PCDHGA1: variants seen among roughly 807,000 people sequenced by gnomAD.
The protein encoded by PCDHGA1 is protocadherin gamma-A1.
PCDHGA1 carries 32 observed loss-of-function variants against 58.0 expected under a neutral mutation model. That is an observed-to-expected ratio of 0.55 (90% CI 0.42 to 0.74). The LOEUF is 0.74. Ranked by LOEUF, PCDHGA1 falls within the 30% of genes least tolerant of loss-of-function variation. The pLI is 0.00. For synonymous variants in PCDHGA1, 498 were observed against 501.1 expected (o/e 0.99, Z 0.08); for missense variants, 1,205 against 1,182.3 (o/e 1.02, Z -0.28).
At chr5:141,474,361 T>C (rs2099347915) in intron 1 of PCDHGA1, among the ~76,000 whole-genome samples, 2 of 152,210 alleles carry the variant, frequency 1.3e-5, no homozygotes, top group South Asian at 2.1e-4. Context: ...CATGTCTCAG[T>C]AGGTCTAGAG....
chr5:141,408,676 G>A (rs1315766272), intron 1 of PCDHGA1: 2 of 1,613,652 alleles, frequency 1.2e-6, no homozygotes, highest in Non-Finnish European at 1.7e-6. Flanking sequence ...ACCCTGCCAC[G>A]GATCCTGATA....
rs1490866629 is a variant in PCDHGA1 at position 141,345,204 on chromosome 5, C to T, written c.2421+12099C>T. On this transcript the variant is annotated intron_variant, in intron 1 of 3. Coordinates refer to ENST00000517417, the MANE Select transcript of PCDHGA1 (RefSeq NM_018912.3). ...TGAAGTTTTTGTCCTGGGAAATCTG[C>T]CATTTAAGTTAGAAAAATCAATAGA... 2.5e-6 allele frequency: 4 copies of T among 1,613,786 alleles called. No homozygotes were observed. The African/African-American group carries it at 5.3e-5, about 22-fold the overall frequency.
intron 1 of PCDHGA1, chr5:141,364,142 A>C (rs1588593091): frequency 3.9e-6 from 2 of 513,968 alleles, no homozygotes; most frequent in South Asian, 1.1e-4. Context: ...CCAAAGTGGG[A>C]AAGAAGCTGC....
At chr5:141,364,629 C>T in intron 1 of PCDHGA1, 2 of 1,614,142 alleles carry the variant, frequency 1.2e-6, no homozygotes, top group African/African-American at 1.3e-5. Context: ...GCTCAGAGCC[C>T]ACTGTGTGTG....
chr5:141,404,171 G>A (rs532466154), intron 1 of PCDHGA1: 1 of 1,612,734 alleles, frequency 6.2e-7, no homozygotes, highest in South Asian at 1.1e-5. Flanking sequence ...ATTGTTGACG[G>A]CCCAAATTCT....
chr5:141,372,057 C>T (rs1228775419), intron 1 of PCDHGA1: 3 of 1,613,552 alleles, frequency 1.9e-6, no homozygotes, highest in African/African-American at 2.7e-5. Context: ...GGTGGACGAC[C>T]GCAACGACAA....
intron 1 of PCDHGA1, among the ~76,000 whole-genome samples, chr5:141,464,436 TTTG>T (rs1043492514): frequency 1.1e-4 from 17 of 151,396 alleles, no homozygotes; most frequent in Non-Finnish European, 1.9e-4. Flanking sequence ...GATATATATG[TTTG>T]TTGTTGTTGT....
At chr5:141,373,722 C>T (rs1260568332) in intron 1 of PCDHGA1, among the ~76,000 whole-genome samples, 1 of 152,202 alleles carries the variant, frequency 6.6e-6, no homozygotes, top group Non-Finnish European at 1.5e-5. Flanking sequence ...CTCTTACACT[C>T]TTCTAAATGC....
intron 1 of PCDHGA1, chr5:141,392,676 C>G: frequency 1.1e-6 from 1 of 917,280 alleles, no homozygotes. Context: ...AACTGCTGGA[C>G]TGCAGCGAAA....
At position 141,477,758 on chromosome 5, in the gene PCDHGA1, G is replaced by A; in HGVS notation, c.2422-17049G>A. 2 of 1,613,924 alleles carry A rather than the reference G, an allele frequency of 1.2e-6. No homozygotes were observed. The highest frequency in any genetic ancestry group is 1.7e-5 in the Admixed American group (1 of 60,022). On this transcript the variant is annotated intron_variant, in intron 1 of 3. Transcript: ENST00000517417. The surrounding 1 kb of genome is among the most constrained non-coding windows in gnomAD (Gnocchi z 4.9). ...CAGCGATGGGGGCACCCCGGTCCTA[G>A]CCACCAACATCAGCGTGAACATATT...
chr5:141,375,346 T>C, intron 1 of PCDHGA1: 1 of 1,613,870 alleles, frequency 6.2e-7, no homozygotes. Flanking sequence ...ACAACATCAC[T>C]GTGACAGCCA....
At chr5:141,355,307 T>A (rs548636381) in intron 1 of PCDHGA1, 1 of 1,613,842 alleles carries the variant, frequency 6.2e-7, no homozygotes, top group African/African-American at 1.3e-5. Context: ...TACTCGGTGT[T>A]TGAGGAGCAG....
At chr5:141,385,328 G>A (rs767891948) in intron 1 of PCDHGA1, 13 of 1,588,314 alleles carry the variant, frequency 8.2e-6, no homozygotes, top group Middle Eastern at 1.7e-4. Flanking sequence ...ATTCAGGTGA[G>A]CCCAGCCCTT....
intron 1 of PCDHGA1, among the ~76,000 whole-genome samples, chr5:141,473,542 G>A (rs1444751260): frequency 6.6e-6 from 1 of 152,176 alleles, no homozygotes; most frequent in Non-Finnish European, 1.5e-5. Flanking sequence ...GGGGCCTAAT[G>A]GAAGACCTCT....
intron 1 of PCDHGA1, chr5:141,375,003 TA>T: frequency 6.2e-7 from 1 of 1,614,054 alleles, no homozygotes; most frequent in Non-Finnish European, 8.5e-7. Flanking sequence ...TCTGCAAATC[TA>T]GACTATGAGG....
chr5:141,360,308 T>C, intron 1 of PCDHGA1: 2 of 1,613,902 alleles, frequency 1.2e-6, no homozygotes, highest in Non-Finnish European at 1.7e-6. Context: ...GGGCTCAGCG[T>C]CCGGGACTTG....
chr5:141,460,576 G>A (rs2098992216), intron 1 of PCDHGA1, among the ~76,000 whole-genome samples: 1 of 152,082 alleles, frequency 6.6e-6, no homozygotes, highest in Non-Finnish European at 1.5e-5. Flanking sequence ...ACATATGTAG[G>A]TGTGGGTTTT....
rs779462820 is a variant in PCDHGA1, at chr5:141,374,112, G to A, written c.2421+41007G>A. ...GCGCCTCCGCAGAGGCATCCGCAGC[G>A]CAGCGAGCAGGTCCTGCTCCTCACG... On this transcript the variant is annotated intron_variant, in intron 1 of 3. Coordinates refer to ENST00000517417, the MANE Select transcript of PCDHGA1 (RefSeq NM_018912.3). The A allele has an allele frequency of 5.1e-6, 8 of 1,578,426 alleles. No homozygotes were observed. The African/African-American group carries it at 9.5e-5, about 19-fold the overall frequency.
intron 1 of PCDHGA1, chr5:141,405,358 A>G (rs567878422): frequency 6.2e-7 from 1 of 1,613,900 alleles, no homozygotes; most frequent in East Asian, 2.2e-5. Context: ...TTCCTATAGA[A>G]GACACCCCTT....
Sources: gnomAD v4.1 joint callset for allele counts (sites outside exome capture counted in the v4.1 genomes callset) on GRCh38, gnomAD v4.1.1 for gene constraint, Gnocchi (gnomAD v3.1) non-coding constraint, MANE v1.5 for transcripts, NCBI Gene and HGNC (gene_info 2026-07-23, HGNC 2026-07-21) for gene names.